The following GTF2F2 variants were observed in gnomAD, a reference collection of about 807,000 sequenced individuals.
GTF2F2 encodes ATP-dependent helicase GTF2F2.
In GTF2F2, 23 loss-of-function variants were observed where a neutral mutation model predicts 42.2. The observed-to-expected ratio is 0.55, with a 90% confidence interval of 0.39 to 0.77. The LOEUF is 0.77. Ranked by LOEUF, GTF2F2 falls within the 30% of genes least tolerant of loss-of-function variation. The pLI is 0.00. For synonymous variants in GTF2F2, 105 were observed against 100.8 expected, an observed-to-expected ratio of 1.04 and a Z score of -0.25; for missense variants, 261 against 287.2, an observed-to-expected ratio of 0.91 and a Z score of 0.66.
At position 45,283,474 on chromosome 13, in the gene GTF2F2, T is replaced by C. The variant is rs779946089; in HGVS notation, c.663T>C (p.Gly221=). 1.3e-5 allele frequency: 21 copies of C among 1,611,942 alleles called. No individual in the cohort carries two copies. The South Asian group carries it at 1.9e-4, about 14-fold the overall frequency. ...TGAAGGAAATCTTAAAAGAAATTGG[T>C]GTTCAGAATGTAAAAGGGATCCACA... ...VYLKEILKEI[G]VQNVKGIHKN... is the part of the protein sequence containing the mutation. The change falls in exon 8 of 8, where the codon GGT becomes GGC. Residue 221 remains glycine (G), a synonymous_variant. Coordinates refer to ENST00000340473, the MANE Select transcript of GTF2F2 (RefSeq NM_004128.3).
chr13:45,131,440 A>G (rs9534037), intron 1 of GTF2F2, among the ~76,000 whole-genome samples: 36,210 of 151,928 alleles, frequency 0.24, 4,738 homozygotes, highest in African/African-American at 0.34. Context: ...TTAAGTATGA[A>G]AGATGGGGAC....
intron 1 of GTF2F2, among the ~76,000 whole-genome samples, chr13:45,125,540 A>G (rs1341300990): frequency 1.3e-5 from 2 of 151,996 alleles, no homozygotes; most frequent in African/African-American, 2.4e-5. Context: ...GGATGGTCTC[A>G]ATCTCTTGAC....
chr13:45,236,126 A>T (rs1315214392), intron 5 of GTF2F2, among the ~76,000 whole-genome samples: 1 of 152,190 alleles, frequency 6.6e-6, no homozygotes, highest in South Asian at 2.1e-4. Context: ...TGACTTGAGA[A>T]TATTCAAGGG....
chr13:45,221,817 T>C (rs535032083), intron 5 of GTF2F2, among the ~76,000 whole-genome samples: 16 of 152,090 alleles, frequency 1.1e-4, no homozygotes, highest in Non-Finnish European at 1.8e-4. Context: ...CTTCTTCCAC[T>C]ACACATCTCA....
intron 5 of GTF2F2, among the ~76,000 whole-genome samples, chr13:45,235,944 T>C (rs1874955664): frequency 6.6e-6 from 1 of 152,078 alleles, no homozygotes; most frequent in Admixed American, 6.6e-5. Flanking sequence ...CTGTAAGTCT[T>C]TACTATTTAC....
At chr13:45,165,139 G>A (rs1218462239) in intron 4 of GTF2F2, among the ~76,000 whole-genome samples, 1 of 151,624 alleles carries the variant, frequency 6.6e-6, no homozygotes, top group African/African-American at 2.4e-5. Context: ...ATCAATTTGT[G>A]AGGTACTAGG....
rs1870385920 is a variant in GTF2F2 at position 45,149,695 on chromosome 13, T to C, written c.141-75T>C. On this transcript the variant is annotated intron_variant, in intron 2 of 7. Transcript: ENST00000340473. Reference sequence around the variant, plus strand: ...ATTTTATGTAAATATGAAGTTTTTTTTTAAGCTCTTAACTCACATTTGAAA... The same window carrying C: ...ATTTTATGTAAATATGAAGTTTTTTCTTAAGCTCTTAACTCACATTTGAAA... 3 of 1,372,824 alleles carry C rather than the reference T, an allele frequency of 2.2e-6. No individual in the cohort carries two copies. The African/African-American group carries it at 4.5e-5, about 21-fold the overall frequency. The allele number at this position is 1,372,824 out of a possible 1,614,324, so 85.0% of individuals were successfully genotyped here.
Position 45,136,785 on chromosome 13 carries a change from T to C in GTF2F2, c.119T>C (p.Val40Ala), listed in dbSNP as rs887228193. 6.3e-7 allele frequency: 1 copy of C among 1,596,120 alleles called. No individual in the cohort carries two copies. The highest frequency in any genetic ancestry group is 8.6e-7 in the Non-Finnish European group (1 of 1,164,236). The change falls in exon 2 of 8, where the codon GTT (valine) becomes GCT (alanine). Residue 40 changes from valine to alanine, a missense_variant. Val to Ala is a moderately conservative substitution (Grantham distance 64). Transcript: ENST00000340473. ...QWAKASGRGE[V>A]GKLRIAKTQG... ...GCTAAAGCCTCTGGAAGAGGTGAAG[T>C]TGGGAAACTGCGGATTGCCAAGTAA... is the stretch of plus-strand genomic sequence containing the variant.
In GTF2F2 at chr13:45,283,570, C is replaced by T; in HGVS notation, c.*9C>T. 6.3e-7 allele frequency: 1 copy of T among 1,596,106 alleles called. No individual in the cohort carries two copies. The highest frequency in any genetic ancestry group is 8.5e-7 in the Non-Finnish European group (1 of 1,173,188). On this transcript the variant is annotated 3_prime_UTR_variant, in exon 8 of 8. Transcript: ENST00000340473. ...AAGAAAAGAGTGACTAAGAAGACTC[C>T]TAGCCAGCATGCTAGTGAAACGACT...
At chr13:45,239,216 A>AACAT (rs1289059597) in intron 5 of GTF2F2, among the ~76,000 whole-genome samples, 2 of 152,154 alleles carry the variant, frequency 1.3e-5, no homozygotes, top group Admixed American at 6.5e-5. Flanking sequence ...GTATCCCCTG[A>AACAT]ACATACCTTC....
At chr13:45,138,651 A>G (rs1329884352) in intron 2 of GTF2F2, among the ~76,000 whole-genome samples, 1 of 152,024 alleles carries the variant, frequency 6.6e-6, no homozygotes, top group Non-Finnish European at 1.5e-5. Flanking sequence ...GATCAGTATT[A>G]TTATTATTTT....
intron 5 of GTF2F2, among the ~76,000 whole-genome samples, chr13:45,225,611 CAAAAAAAAA>C (rs35637992): frequency 3.1e-5 from 2 of 65,544 alleles, no homozygotes; most frequent in African/African-American, 5.0e-5. Context: ...AGCTCTGTCT[CAAAAAAAAA>C]AAAAAAAAAA....
At chr13:45,130,343 G>C (rs74818285) in intron 1 of GTF2F2, among the ~76,000 whole-genome samples, 5,326 of 152,288 alleles carry the variant, frequency 0.035, 274 homozygotes, top group African/African-American at 0.12. Flanking sequence ...AGTAATATTT[G>C]TAAAGTGTTT....
At chr13:45,154,196 A>G (rs79178984) in intron 4 of GTF2F2, among the ~76,000 whole-genome samples, 2 of 152,000 alleles carry the variant, frequency 1.3e-5, no homozygotes, top group Non-Finnish European at 1.5e-5. Flanking sequence ...TTTTTTGTAG[A>G]AAAAAGTACC....
intron 4 of GTF2F2, among the ~76,000 whole-genome samples, chr13:45,179,417 C>A (rs1872039925): frequency 6.6e-6 from 1 of 152,100 alleles, no homozygotes; most frequent in African/African-American, 2.4e-5. Context: ...TTAAGCATGC[C>A]AATACTTGGG....
rs1566125513 is a variant in GTF2F2, at chr13:45,181,176, A to AAAAC, written c.305-26245_305-26244insCAAA. On this transcript the variant is annotated intron_variant, in intron 4 of 7. Coordinates refer to ENST00000340473, the MANE Select transcript of GTF2F2 (RefSeq NM_004128.3). ...AGTGAGACCCTGTCTCAAAAGACAA[A>AAAAC]AAAACAAACAAACAAAAAAAAAAAA... 1.5e-3 allele frequency among the ~76,000 whole-genome samples: 194 copies of AAAAC among 133,148 alleles called. 1 individual carries two copies. The highest frequency in any genetic ancestry group is 6.9e-3 in the African/African-American group (178 of 25,802). The allele number at this position is 133,148 out of a possible 152,430, so 87.4% of individuals were successfully genotyped here.
chr13:45,235,612 T>A (rs1237372392), intron 5 of GTF2F2, among the ~76,000 whole-genome samples: 3 of 151,838 alleles, frequency 2.0e-5, no homozygotes, highest in Non-Finnish European at 4.4e-5. Context: ...TTTCCTGAGA[T>A]AGAGTCCCGC....
chr13:45,167,228 T>A (rs1020959209), intron 4 of GTF2F2, among the ~76,000 whole-genome samples: 15 of 146,680 alleles, frequency 1.0e-4, no homozygotes, highest in Non-Finnish European at 1.2e-4. Context: ...CATACTATTT[T>A]ACTATTTTTT....
intron 1 of GTF2F2, among the ~76,000 whole-genome samples, chr13:45,129,742 A>C (rs1869236875): frequency 6.6e-6 from 1 of 151,160 alleles, no homozygotes; most frequent in East Asian, 1.9e-4. Flanking sequence ...CGTTCTAATT[A>C]GATTACGTTC....
Sources: allele counts gnomAD v4.1 joint callset (sites outside exome capture counted in the v4.1 genomes callset), GRCh38; gene constraint gnomAD v4.1.1; transcripts MANE v1.5; gene names NCBI Gene and HGNC (gene_info 2026-07-23, HGNC 2026-07-21).